Variants in DPYD observed in about 807,000 individuals in gnomAD.
The protein encoded by DPYD is dihydropyrimidine dehydrogenase.
In DPYD, 109 loss-of-function variants were observed where a neutral mutation model predicts 116.2. The ratio of observed to expected loss-of-function variants is 0.94; its 90% CI spans 0.80 to 1.10. The LOEUF is 1.10. Ranked by LOEUF, DPYD falls within the 50% of genes least tolerant of loss-of-function variation. The pLI is 0.00. For synonymous variants in DPYD, 440 were observed against 432.0 expected (o/e 1.02, Z -0.23); for missense variants, 1,302 against 1,254.5 (o/e 1.04, Z -0.57).
chr1:97,892,157 A>G (rs957945605), intron 1 of DPYD, among the ~76,000 whole-genome samples: 10 of 151,808 alleles, frequency 6.6e-5, no homozygotes, highest in East Asian at 3.9e-4. Context: ...TGATTTCAAT[A>G]TAACATTGTG....
intron 10 of DPYD, among the ~76,000 whole-genome samples, chr1:97,582,026 A>G (rs1653720601): frequency 6.6e-6 from 1 of 152,218 alleles, no homozygotes; most frequent in Non-Finnish European, 1.5e-5. Flanking sequence ...AGTCCTTACC[A>G]ATGGAATGCT....
intron 18 of DPYD, among the ~76,000 whole-genome samples, chr1:97,272,841 A>C (rs1664684908): frequency 6.6e-6 from 1 of 152,122 alleles, no homozygotes; most frequent in African/African-American, 2.4e-5. Flanking sequence ...TTTCTATTAT[A>C]AGGTGTCTCT....
chr1:97,697,505 T>C (rs1035725832), intron 6 of DPYD, among the ~76,000 whole-genome samples: 1 of 152,104 alleles, frequency 6.6e-6, no homozygotes, highest in African/African-American at 2.4e-5. Context: ...CATCAGTTTT[T>C]ATAATCCTGT....
chr1:97,700,859 C>T (rs899322378), intron 5 of DPYD, among the ~76,000 whole-genome samples: 6 of 151,348 alleles, frequency 4.0e-5, no homozygotes, highest in African/African-American at 7.3e-5. Flanking sequence ...TTACTAAGTA[C>T]ATTTAGTAAA....
chr1:97,917,249 GT>G (rs760572209), intron 1 of DPYD, among the ~76,000 whole-genome samples: 4 of 152,138 alleles, frequency 2.6e-5, no homozygotes, highest in Non-Finnish European at 4.4e-5. Flanking sequence ...TCATGGCTTT[GT>G]ATAAAGTGGA....
chr1:97,401,720 A>C (rs1256015442), intron 14 of DPYD, among the ~76,000 whole-genome samples: 1 of 152,140 alleles, frequency 6.6e-6, no homozygotes, highest in Admixed American at 6.5e-5. Context: ...ATTCAAGATC[A>C]TCTAGGTTTT....
chr1:97,621,748 A>C (rs181096515), intron 8 of DPYD, among the ~76,000 whole-genome samples: 307 of 152,140 alleles, frequency 2.0e-3, no homozygotes, highest in African/African-American at 7.3e-3. Flanking sequence ...TCTAGGACTT[A>C]GGAAGGAAAT....
chr1:97,466,643 T>C (rs1226802523), intron 13 of DPYD, among the ~76,000 whole-genome samples: 5 of 152,044 alleles, frequency 3.3e-5, no homozygotes, highest in African/African-American at 1.2e-4. Flanking sequence ...AGAACCTTTT[T>C]CAAAAATGTT....
At chr1:97,582,253 C>T (rs920565098) in intron 10 of DPYD, among the ~76,000 whole-genome samples, 1 of 152,186 alleles carries the variant, frequency 6.6e-6, no homozygotes, top group African/African-American at 2.4e-5. Context: ...AGAGCAAATC[C>T]TAATGCAGCA....
intron 19 of DPYD, among the ~76,000 whole-genome samples, chr1:97,218,386 G>A (rs939706017): frequency 3.9e-5 from 6 of 151,934 alleles, no homozygotes; most frequent in Admixed American, 3.3e-4. Flanking sequence ...GGTATATACA[G>A]GTATAAGGTA....
At chr1:97,644,703 C>A (rs1658153569) in intron 8 of DPYD, among the ~76,000 whole-genome samples, 1 of 151,838 alleles carries the variant, frequency 6.6e-6, no homozygotes, top group South Asian at 2.1e-4. Context: ...CATGATCTGC[C>A]CACCTCAGCC....
chr1:97,212,485 CTG>C (rs1660100847), intron 19 of DPYD, among the ~76,000 whole-genome samples: 1 of 152,076 alleles, frequency 6.6e-6, no homozygotes, highest in Non-Finnish European at 1.5e-5. Context: ...GGGATTTAGA[CTG>C]TGTCCAGTTT....
intron 18 of DPYD, among the ~76,000 whole-genome samples, chr1:97,244,147 GCCA>G (rs1363892599): frequency 6.6e-6 from 1 of 151,820 alleles, no homozygotes; most frequent in East Asian, 1.9e-4. Flanking sequence ...CCTGTAGGTG[GCCA>G]CCACAAGCTA....
At chr1:97,108,615 G>A (rs1449622052) in intron 20 of DPYD, among the ~76,000 whole-genome samples, 32 of 152,092 alleles carry the variant, frequency 2.1e-4, no homozygotes, top group Admixed American at 2.1e-3. Context: ...TAAAACTAAA[G>A]ATATTGTAGC....
intron 4 of DPYD, among the ~76,000 whole-genome samples, chr1:97,722,617 C>T (rs1662984474): frequency 2.0e-5 from 3 of 151,384 alleles, no homozygotes; most frequent in Admixed American, 1.3e-4. Context: ...TTTATTTTTC[C>T]TTTGGCTTTT....
intron 16 of DPYD, among the ~76,000 whole-genome samples, chr1:97,354,725 T>C (rs78342127): frequency 0.013 from 1,974 of 152,346 alleles, 23 homozygotes; most frequent in South Asian, 0.023. Context: ...AGAACAATCC[T>C]TCTCAGGATC....
At chr1:97,356,491 G>A (rs897981588) in intron 16 of DPYD, among the ~76,000 whole-genome samples, 1 of 151,992 alleles carries the variant, frequency 6.6e-6, no homozygotes, top group South Asian at 2.1e-4. Flanking sequence ...AGCAATATTT[G>A]CTGTTCTGCA....
intron 14 of DPYD, among the ~76,000 whole-genome samples, chr1:97,404,103 G>C (rs529454430): frequency 7.4e-4 from 113 of 151,964 alleles, no homozygotes; most frequent in Non-Finnish European, 1.5e-3. Flanking sequence ...GGATTTTCCA[G>C]ATATATTTTG....
At chr1:97,119,020 G>A (rs991050126) in intron 20 of DPYD, among the ~76,000 whole-genome samples, 2 of 151,988 alleles carry the variant, frequency 1.3e-5, no homozygotes, top group Non-Finnish European at 2.9e-5. Flanking sequence ...CACAGACTTT[G>A]GGGACAGAAG....
Sources: gnomAD v4.1 joint callset for allele counts (sites outside exome capture counted in the v4.1 genomes callset) on GRCh38, gnomAD v4.1.1 for gene constraint, MANE v1.5 for transcripts, NCBI Gene and HGNC (gene_info 2026-07-23, HGNC 2026-07-21) for gene names.